Variants in RCC1 observed in about 807,000 individuals in gnomAD.
RCC1 encodes regulator of chromosome condensation.
Under a neutral mutation model 44.4 loss-of-function variants are expected in RCC1, and 11 were observed. The ratio of observed to expected loss-of-function variants is 0.25; its 90% CI spans 0.16 to 0.41. RCC1 has a LOEUF of 0.41. Among genes scored for constraint, RCC1 ranks in the 10% least tolerant of loss-of-function variants. The pLI is 1.00. For missense variants in RCC1, 386 were observed against 547.1 expected (o/e 0.71, Z 2.94); for synonymous variants, 213 against 216.5 (o/e 0.98, Z 0.14).
chr1:28,507,990 G>A lies in RCC1; in HGVS notation c.-261-138G>A, dbSNP rs1190678897. On this transcript the variant is annotated intron_variant, in intron 1 of 12. Transcript: ENST00000683442. ...ATAGGTAGCTGGAGGAAGGAGAATC[G>A]CTGGAGCCCAGGAGTGACCTATACT... 30 of 291,968 alleles carry A rather than the reference G, an allele frequency of 1.0e-4. 1 individual carries two copies. Among genetic ancestry groups the A allele is most frequent in the South Asian group, 8.6e-4 (29 of 33,716 alleles). The allele number at this position is 291,968 out of a possible 1,614,324, so 18.1% of individuals were successfully genotyped here.
At position 28,517,115 on chromosome 1, in the gene RCC1, C is replaced by T. The variant is rs1468788016; in HGVS notation, c.-10+248C>T. Among the ~76,000 whole-genome samples the T allele has an allele frequency of 2.0e-5, 3 of 150,510 alleles. No homozygotes were observed. In the East Asian group the frequency reaches 5.8e-4, roughly 29 times the overall value. On this transcript the variant is annotated intron_variant, in intron 4 of 12. Coordinates refer to ENST00000683442, the MANE Select transcript of RCC1 (RefSeq NM_001381865.2). ...CAGCCCGGGTGACAAGAGCAAGACTCGATCTCAAAAAAAAAAAAAGTTCAG... is the reference window on the plus strand; with the variant it reads ...CAGCCCGGGTGACAAGAGCAAGACTTGATCTCAAAAAAAAAAAAAGTTCAG...
At chr1:28,517,272 A>G (rs973924838) in intron 4 of RCC1, among the ~76,000 whole-genome samples, 3 of 152,138 alleles carry the variant, frequency 2.0e-5, no homozygotes, top group Non-Finnish European at 4.4e-5. Context: ...GAAATCCTGA[A>G]GAACTGTTTG....
At chr1:28,507,754 C>T (rs1662125692) in intron 1 of RCC1, 8 of 337,756 alleles carry the variant, frequency 2.4e-5, no homozygotes, top group Non-Finnish European at 3.5e-5. Flanking sequence ...TTACAGGCCC[C>T]CGCCACCACG....
At chr1:28,513,831 C>T (rs1662702100) in intron 3 of RCC1, among the ~76,000 whole-genome samples, 4 of 151,268 alleles carry the variant, frequency 2.6e-5, no homozygotes, top group South Asian at 2.1e-4. Flanking sequence ...GCAATCCTCC[C>T]ACCTTGGCCT....
intron 1 of RCC1, chr1:28,507,573 T>C (rs752810710): frequency 5.8e-6 from 3 of 516,520 alleles, no homozygotes; most frequent in Middle Eastern, 3.8e-4. Context: ...GAAACAGCCT[T>C]CTAGAGCACT....
intron 4 of RCC1, among the ~76,000 whole-genome samples, chr1:28,523,859 C>A (rs1448100707): frequency 6.6e-6 from 1 of 152,216 alleles, no homozygotes; most frequent in Admixed American, 6.5e-5. Flanking sequence ...TCTTGTTGCC[C>A]AGGCTGGAGT....
Position 28,536,625 on chromosome 1 carries a change from CCTT to C in RCC1, c.938-119_938-117del, listed in dbSNP as rs369904056. On this transcript the variant is annotated intron_variant, in intron 11 of 12. Transcript: ENST00000683442. This position sits in a 1 kb window ranked among gnomAD's most constrained non-coding sequence, Gnocchi z 4.9. ...AACTGGGAAGAGACACTGCAGATCT[CCTT>C]CTGATCGCTCTGGGAGCAGGGACAC... 3.0e-5 allele frequency: 38 copies of C among 1,270,454 alleles called. No homozygotes were observed. In the African/African-American group the frequency reaches 4.3e-4, roughly 14 times the overall value. 78.7% of individuals were successfully genotyped at this position (1,270,454 alleles called of 1,614,324 possible). A position where few individuals can be genotyped will look rare whatever the true frequency, so the allele number is the denominator to read the frequency against.
intron 3 of RCC1, chr1:28,509,262 T>C: frequency 4.6e-6 from 1 of 217,360 alleles, no homozygotes; most frequent in Non-Finnish European, 9.4e-6. Context: ...AGGCACACTG[T>C]GTTGGTGGTT....
chr1:28,535,688 CTG>C (rs1422129964), intron 9 of RCC1, 181 bp from the exon 10 acceptor site: 13 of 779,728 alleles, frequency 1.7e-5, no homozygotes, highest in African/African-American at 8.5e-5. Flanking sequence ...CCCGTAATGA[CTG>C]TGGGAATCTG....
Position 28,536,322 on chromosome 1 carries a change from C to T in RCC1, c.878C>T (p.Thr293Ile), listed in dbSNP as rs747094995. ...AACCTAACATCCTTCAAGAATTCCA[C>T]CAAGTCCTGGGTGGGCTTCTCTGGT... ...PQNLTSFKNS[T>I]KSWVGFSGGQ... Residue 293 changes from threonine (T) to isoleucine (I), a missense_variant, in exon 11 of 13, where the codon ACC (threonine) becomes ATC (isoleucine). By Grantham distance (89) the Thr-to-Ile change is moderately conservative (BLOSUM62 -1). Coordinates refer to ENST00000683442, the MANE Select transcript of RCC1 (RefSeq NM_001381865.2). This position sits in a 1 kb window ranked among gnomAD's most constrained non-coding sequence, Gnocchi z 4.9. 1 of 1,614,152 alleles carries T rather than the reference C, an allele frequency of 6.2e-7. No homozygotes were observed. The highest frequency in any genetic ancestry group is 1.1e-5 in the South Asian group (1 of 91,084).
At chr1:28,520,098 G>T (rs1171531508) in intron 4 of RCC1, among the ~76,000 whole-genome samples, 2 of 152,156 alleles carry the variant, frequency 1.3e-5, no homozygotes, top group African/African-American at 4.8e-5. Flanking sequence ...TATAGAACGG[G>T]GATCCCAGGT....
intron 4 of RCC1, among the ~76,000 whole-genome samples, chr1:28,528,844 C>CTT (rs59005617): frequency 0.017 from 1,442 of 87,180 alleles, 54 homozygotes; most frequent in African/African-American, 0.029. Context: ...GTTTTTCTTC[C>CTT]TTTTTTTTTT....
At chr1:28,510,866 A>G (rs1409903759) in intron 3 of RCC1, 1 of 152,148 alleles carries the variant, frequency 6.6e-6, no homozygotes, top group Non-Finnish European at 1.5e-5. Flanking sequence ...CATAGATCTC[A>G]CCTGAGTAAA....
At chr1:28,512,233 G>A (rs990617979) in intron 3 of RCC1, among the ~76,000 whole-genome samples, 5 of 151,228 alleles carry the variant, frequency 3.3e-5, no homozygotes, top group African/African-American at 4.9e-5. Flanking sequence ...CACCACGCCC[G>A]GCAGAGCCTT....
chr1:28,508,650 T>C (rs1219694109), intron 2 of RCC1, 180 bp from the exon 3 acceptor site: 1 of 518,840 alleles, frequency 1.9e-6, no homozygotes, highest in African/African-American at 1.9e-5. Context: ...GTACAGTCCC[T>C]TTCCACAACG....
intron 4 of RCC1, among the ~76,000 whole-genome samples, chr1:28,517,968 G>T (rs1662992724): frequency 6.6e-6 from 1 of 152,012 alleles, no homozygotes; most frequent in South Asian, 2.1e-4. Flanking sequence ...TTTTTTCTCC[G>T]TACAGACCCT....
Position 28,536,500 on chromosome 1 carries a change from A to C in RCC1, c.937+119A>C. On this transcript the variant is annotated intron_variant, in intron 11 of 12. Transcript: ENST00000683442. The surrounding 1 kb of genome is among the most constrained non-coding windows in gnomAD (Gnocchi z 4.9). ...GTCTGTTCCATGGGTTGTACCATAC[A>C]TGGGTCCATGAGAGTCACTCTCATC... 7.5e-7 allele frequency: 1 copy of C among 1,325,330 alleles called. No individual in the cohort carries two copies. 82.1% of individuals were successfully genotyped at this position (1,325,330 alleles called of 1,614,324 possible).
At chr1:28,526,000 G>A (rs762096260) in intron 4 of RCC1, among the ~76,000 whole-genome samples, 12 of 152,092 alleles carry the variant, frequency 7.9e-5, no homozygotes, top group Non-Finnish European at 1.6e-4. Flanking sequence ...CTGTGGCTCC[G>A]GCCGGGCATG....
At chr1:28,531,719 C>T in intron 5 of RCC1, 84 bp from the exon 6 acceptor site, 1 of 1,193,706 alleles carries the variant, frequency 8.4e-7, no homozygotes, top group African/African-American at 1.5e-5. Flanking sequence ...GGCTTCTGCA[C>T]AGGTTTGTCT....
Sources: gnomAD v4.1 joint callset for allele counts (sites outside exome capture counted in the v4.1 genomes callset) on GRCh38, gnomAD v4.1.1 for gene constraint, Gnocchi (gnomAD v3.1) non-coding constraint, MANE v1.5 for transcripts, NCBI Gene and HGNC (gene_info 2026-07-23, HGNC 2026-07-21) for gene names.